Variants in FLRT2 observed in about 807,000 individuals in gnomAD.
FLRT2 encodes the protein leucine-rich repeat transmembrane protein FLRT2.
Under a neutral mutation model 40.0 loss-of-function variants are expected in FLRT2, and 15 were observed. That is an observed-to-expected ratio of 0.38 (90% CI 0.25 to 0.58). The LOEUF (loss-of-function observed/expected upper bound fraction) is 0.58, where lower values mean the gene tolerates loss of function less well. Among genes scored for constraint, FLRT2 ranks in the 20% least tolerant of loss-of-function variants. The probability of loss-of-function intolerance (pLI) is 0.71; values close to 1 mark genes in which losing one functional copy is unlikely to be tolerated. For synonymous variants in FLRT2, 380 were observed against 336.8 expected (o/e 1.13, Z -1.41); for missense variants, 726 against 840.0 (o/e 0.86, Z 1.68).
At chr14:85,598,127 A>G (rs1168971352) in intron 1 of FLRT2, among the ~76,000 whole-genome samples, 2 of 152,208 alleles carry the variant, frequency 1.3e-5, no homozygotes, top group Admixed American at 1.3e-4. Context: ...GAAAATAATC[A>G]TTGCCATTTA....
chr14:85,586,659 A>G (rs1170344372), intron 1 of FLRT2, among the ~76,000 whole-genome samples: 2 of 152,012 alleles, frequency 1.3e-5, no homozygotes, highest in Non-Finnish European at 2.9e-5. Flanking sequence ...GTATTTTGAT[A>G]TATATAGGTA....
At chr14:85,566,186 C>G (rs1449614686) in intron 1 of FLRT2, among the ~76,000 whole-genome samples, 1 of 152,096 alleles carries the variant, frequency 6.6e-6, no homozygotes, top group African/African-American at 2.4e-5. Context: ...CACTGGAGAT[C>G]AGGAGACAAA....
At position 85,650,148 on chromosome 14, in the gene FLRT2, T is replaced by C. The variant is rs1894399887; in HGVS notation, c.*26651T>C. 3.3e-5 allele frequency: 5 copies of C among 152,064 alleles called. No homozygotes were observed. Among genetic ancestry groups the C allele is most frequent in the Admixed American group, 3.3e-4 (5 of 15,246 alleles). 9.4% of individuals were successfully genotyped at this position (152,064 alleles called of 1,614,324 possible). On this transcript the variant is annotated 3_prime_UTR_variant, in exon 2 of 2. Coordinates refer to ENST00000330753, the MANE Select transcript of FLRT2 (RefSeq NM_013231.6). ...CAAATACTTACTACGTTCATATGTATTGATGTACAGTATAGCCTTATTTTA... is the reference window on the plus strand; with the variant it reads ...CAAATACTTACTACGTTCATATGTACTGATGTACAGTATAGCCTTATTTTA...
rs958195486 is a variant in FLRT2, at chr14:85,653,580, C to T, written c.*30083C>T. 1 of 152,234 alleles carries T rather than the reference C, an allele frequency of 6.6e-6. No individual in the cohort carries two copies. Among genetic ancestry groups the T allele is most frequent in the African/African-American group, 2.4e-5 (1 of 41,450 alleles). 9.4% of individuals were successfully genotyped at this position (152,234 alleles called of 1,614,324 possible). A position where few individuals can be genotyped will look rare whatever the true frequency, so the allele number is the denominator to read the frequency against. ...TTGCTACTGAAACTTGCTGCCTTTT[C>T]CTAGAAGCACATGAAAGAAACCCTG... On this transcript the variant is annotated 3_prime_UTR_variant, in exon 2 of 2. Coordinates refer to ENST00000330753, the MANE Select transcript of FLRT2 (RefSeq NM_013231.6).
chr14:85,614,033 A>C (rs1433004700), intron 1 of FLRT2, among the ~76,000 whole-genome samples: 9 of 152,206 alleles, frequency 5.9e-5, no homozygotes, highest in Non-Finnish European at 1.2e-4. Flanking sequence ...CTTAGGAATG[A>C]CCAACATAAA....
chr14:85,560,131 G>A (rs920667659), intron 1 of FLRT2, among the ~76,000 whole-genome samples: 6 of 152,050 alleles, frequency 3.9e-5, no homozygotes, highest in African/African-American at 7.2e-5. Context: ...TTATTTTTTG[G>A]TTCTTACATG....
At chr14:85,576,866 G>T (rs895673755) in intron 1 of FLRT2, among the ~76,000 whole-genome samples, 2 of 152,214 alleles carry the variant, frequency 1.3e-5, no homozygotes, top group African/African-American at 4.8e-5. Context: ...CAGAAATTCT[G>T]CTGGCAGACC....
chr14:85,544,289 AAG>A (rs1889149320), intron 1 of FLRT2, among the ~76,000 whole-genome samples: 2 of 152,164 alleles, frequency 1.3e-5, no homozygotes, highest in African/African-American at 4.8e-5. Flanking sequence ...GGTCTGTTTA[AAG>A]AATAATAATT....
intron 1 of FLRT2, among the ~76,000 whole-genome samples, chr14:85,584,709 G>C (rs916151248): frequency 2.6e-5 from 4 of 152,108 alleles, no homozygotes; most frequent in Non-Finnish European, 4.4e-5. Flanking sequence ...CCTGACACAG[G>C]GTTCTAAGTG....
rs1893818949 is a variant in FLRT2, at chr14:85,629,708, A to G, written c.*6211A>G. ...TTTCCTGCCTCTTAATAAATTGACC[A>G]TCCTTGAGACTGACTAGCCTTCAGA... On this transcript the variant is annotated 3_prime_UTR_variant, in exon 2 of 2. Coordinates refer to ENST00000330753, the MANE Select transcript of FLRT2 (RefSeq NM_013231.6). 1 of 152,172 alleles carries G rather than the reference A, an allele frequency of 6.6e-6. No homozygotes were observed. Among genetic ancestry groups the G allele is most frequent in the African/African-American group, 2.4e-5 (1 of 41,446 alleles). The allele number at this position is 152,172 out of a possible 1,614,324, so 9.4% of individuals were successfully genotyped here. A position where few individuals can be genotyped will look rare whatever the true frequency, so the allele number is the denominator to read the frequency against.
intron 1 of FLRT2, among the ~76,000 whole-genome samples, chr14:85,535,970 A>G (rs1311581168): frequency 1.7e-5 from 2 of 119,812 alleles, no homozygotes; most frequent in African/African-American, 3.3e-5. Flanking sequence ...TTAACACTTC[A>G]GTAGTTTCAT....
chr14:85,580,360 A>C (rs1247888127), intron 1 of FLRT2, among the ~76,000 whole-genome samples: 1 of 152,128 alleles, frequency 6.6e-6, no homozygotes, highest in East Asian at 1.9e-4. Context: ...GATTTTCAGA[A>C]GTTTTCAGAA....
intron 1 of FLRT2, among the ~76,000 whole-genome samples, chr14:85,558,316 C>T (rs1021750765): frequency 1.7e-4 from 26 of 151,602 alleles, no homozygotes; most frequent in Non-Finnish European, 2.6e-4. Flanking sequence ...CAACATTTAT[C>T]TTTGCATCAA....
At chr14:85,541,141 G>A (rs979527611) in intron 1 of FLRT2, among the ~76,000 whole-genome samples, 3 of 152,122 alleles carry the variant, frequency 2.0e-5, no homozygotes, top group Non-Finnish European at 2.9e-5. Flanking sequence ...AGGTCTTAGG[G>A]AAACTGTAAA....
rs1894384737 is a variant in FLRT2, at chr14:85,649,520, A to T, written c.*26023A>T. 1 of 152,128 alleles carries T rather than the reference A, an allele frequency of 6.6e-6. No homozygotes were observed. Among genetic ancestry groups the T allele is most frequent in the South Asian group, 2.1e-4 (1 of 4,832 alleles). The allele number at this position is 152,128 out of a possible 1,614,324, so 9.4% of individuals were successfully genotyped here. ...ATTTGTTATCAGTAGCACACAATATATTGGATTAAGTTTTTGAATGATGTG... is the reference window on the plus strand; with the variant it reads ...ATTTGTTATCAGTAGCACACAATATTTTGGATTAAGTTTTTGAATGATGTG... On this transcript the variant is annotated 3_prime_UTR_variant, in exon 2 of 2. Transcript: ENST00000330753.
In FLRT2 at chr14:85,622,760, A is replaced by C. The variant is rs760447907; in HGVS notation, c.1246A>C (p.Arg416=). 15 of 1,614,154 alleles carry C rather than the reference A, an allele frequency of 9.3e-6. No individual in the cohort carries two copies. The South Asian group carries it at 1.4e-4, about 15-fold the overall frequency. ...GATTCCTGACTGGGATGGCAGAGAAAGAGTGACCCCACCTATTTCTGAACG... is the reference window on the plus strand; with the variant it reads ...GATTCCTGACTGGGATGGCAGAGAACGAGTGACCCCACCTATTTCTGAACG... ...PTIPDWDGRE[R]VTPPISERIQ... is the part of the protein sequence containing the mutation. Residue 416 remains arginine, a synonymous_variant, in exon 2 of 2, where the codon AGA becomes CGA. Transcript: ENST00000330753.
rs1267784379 is a variant in FLRT2, at chr14:85,651,485, T to C, written c.*27988T>C. 1 of 152,138 alleles carries C rather than the reference T, an allele frequency of 6.6e-6. No homozygotes were observed. Among genetic ancestry groups the C allele is most frequent in the African/African-American group, 2.4e-5 (1 of 41,460 alleles). 9.4% of individuals were successfully genotyped at this position (152,138 alleles called of 1,614,324 possible). The stretch of plus-strand genomic sequence containing the variant: ...ATTGAGATAATGGGTTAAATGTATG[T>C]GCCTGTGTCCATTTATTTCAATAAT... On this transcript the variant is annotated 3_prime_UTR_variant, in exon 2 of 2. Coordinates refer to ENST00000330753, the MANE Select transcript of FLRT2 (RefSeq NM_013231.6).
chr14:85,579,039 G>A (rs1053623203), intron 1 of FLRT2, among the ~76,000 whole-genome samples: 37 of 152,174 alleles, frequency 2.4e-4, no homozygotes, highest in African/African-American at 8.7e-4. Flanking sequence ...TTCTTGTTTT[G>A]AGACGACTGG....
intron 1 of FLRT2, among the ~76,000 whole-genome samples, chr14:85,566,339 T>A (rs1236446378): frequency 6.6e-6 from 1 of 152,088 alleles, no homozygotes; most frequent in African/African-American, 2.4e-5. Flanking sequence ...TGTAGAGACT[T>A]TCAAGAGAGG....
Sources: allele counts gnomAD v4.1 joint callset (sites outside exome capture counted in the v4.1 genomes callset), GRCh38; gene constraint gnomAD v4.1.1; transcripts MANE v1.5; gene names NCBI Gene and HGNC (gene_info 2026-07-23, HGNC 2026-07-21).